DDC: variants seen among roughly 807,000 people sequenced by gnomAD.
DDC encodes dopa decarboxylase, also known as aromatic-L-amino-acid decarboxylase.
A neutral mutation model predicts 60.0 loss-of-function variants in DDC; 43 were observed. The observed-to-expected ratio is 0.72, with a 90% CI of 0.56 to 0.92. The LOEUF (loss-of-function observed/expected upper bound fraction) is 0.92, where lower values mean the gene tolerates loss of function less well. Ranked by LOEUF, DDC falls within the 40% of genes least tolerant of loss-of-function variation. DDC has a pLI of 0.00. For missense variants in DDC, 573 were observed against 620.2 expected, an observed-to-expected ratio of 0.92 and a Z score of 0.81; for synonymous variants, 232 against 234.6, an observed-to-expected ratio of 0.99 and a Z score of 0.10.
chr7:50,502,298 A>G (rs1157987186), intron 7 of DDC, among the ~76,000 whole-genome samples: 5 of 152,272 alleles, frequency 3.3e-5, no homozygotes, highest in Middle Eastern at 3.4e-3. Context: ...GGATCCATCC[A>G]GGGGACTGTG....
chr7:50,465,620 C>T (rs779876058), intron 13 of DDC, among the ~76,000 whole-genome samples: 4 of 152,236 alleles, frequency 2.6e-5, no homozygotes, highest in Non-Finnish European at 5.9e-5. Flanking sequence ...GATCTGGCCT[C>T]CTCGGCCTCC....
intron 9 of DDC, among the ~76,000 whole-genome samples, chr7:50,493,440 T>C (rs1174685750): frequency 6.6e-6 from 1 of 152,196 alleles, no homozygotes; most frequent in Non-Finnish European, 1.5e-5. Context: ...CCAGAGCCTG[T>C]GGATGCTCTG....
intron 10 of DDC, among the ~76,000 whole-genome samples, chr7:50,477,098 G>A (rs2042663396): frequency 6.6e-6 from 1 of 152,160 alleles, no homozygotes; most frequent in Non-Finnish European, 1.5e-5. Flanking sequence ...GTGGATCTTA[G>A]CAGATCTTAG....
intron 7 of DDC, among the ~76,000 whole-genome samples, chr7:50,501,269 G>C (rs1235438715): frequency 6.6e-6 from 1 of 152,186 alleles, no homozygotes; most frequent in African/African-American, 2.4e-5. Context: ...ATGCAGCTTT[G>C]GCTGCCTGCC....
intron 11 of DDC, among the ~76,000 whole-genome samples, chr7:50,476,267 G>A (rs994386551): frequency 5.9e-5 from 9 of 152,170 alleles, no homozygotes; most frequent in African/African-American, 1.9e-4. Flanking sequence ...TCTGTTCCCT[G>A]ACTCCTCCCT....
At chr7:50,534,179 C>G (rs2044312318) in intron 4 of DDC, among the ~76,000 whole-genome samples, 1 of 152,224 alleles carries the variant, frequency 6.6e-6, no homozygotes, top group African/African-American at 2.4e-5. Flanking sequence ...CCTACACTCC[C>G]TTGTACCTAC....
intron 6 of DDC, among the ~76,000 whole-genome samples, chr7:50,504,354 C>T (rs531707330): frequency 3.3e-5 from 5 of 152,212 alleles, no homozygotes; most frequent in Middle Eastern, 3.4e-3. Context: ...AGCAATCTAC[C>T]ACCTGGACAA....
intron 6 of DDC, among the ~76,000 whole-genome samples, chr7:50,505,011 A>T (rs4947584): frequency 0.35 from 53,163 of 152,116 alleles, 9,551 homozygotes; most frequent in Admixed American, 0.43. Flanking sequence ...TTTAAAAGGG[A>T]TGTTCTGAGA....
chr7:50,554,509 T>A (rs1429360399), intron 1 of DDC, among the ~76,000 whole-genome samples: 1 of 152,226 alleles, frequency 6.6e-6, no homozygotes, highest in Non-Finnish European at 1.5e-5. Context: ...GGACACATTA[T>A]CTTCACTTGT....
chr7:50,527,039 T>C (rs1554429944), intron 6 of DDC, among the ~76,000 whole-genome samples: 16 of 152,164 alleles, frequency 1.1e-4, no homozygotes. Flanking sequence ...CATACCTCTC[T>C]TGGCAACTAA....
In DDC at chr7:50,544,063, C is replaced by T. The variant is rs1409597241; in HGVS notation, c.23G>A (p.Arg8Lys). Residue 8 changes from arginine (R) to lysine (K), a missense_variant, in exon 2 of 15, where the codon AGG (arginine) becomes AAG (lysine). Physicochemically the swap from Arg to Lys is conservative, Grantham distance 26. Coordinates refer to ENST00000444124, the MANE Select transcript of DDC (RefSeq NM_001082971.2). Reference sequence around the variant, plus strand: ...GTAATCCACCATCTCCTTCCCTCTCCTTCGGAATTCACTTGCGTTCATGGT... The same window carrying T: ...GTAATCCACCATCTCCTTCCCTCTCTTTCGGAATTCACTTGCGTTCATGGT... Reference protein sequence around the residue: MNASEFRRRGKEMVDYMA... With the variant: MNASEFRKRGKEMVDYMA... 2.5e-6 allele frequency: 4 copies of T among 1,614,036 alleles called. No individual in the cohort carries two copies. The highest frequency in any genetic ancestry group is 2.7e-5 in the African/African-American group (2 of 74,920).
At chr7:50,553,484 C>CTTTTTTTTTTTTTTTTT (rs5884158) in intron 1 of DDC, among the ~76,000 whole-genome samples, 5 of 90,936 alleles carry the variant, frequency 5.5e-5, no homozygotes, top group South Asian at 4.1e-4. Context: ...TCTTTCTTTT[C>CTTTTTTTTTTTTTTTTT]TTTTTTTTTT....
At chr7:50,512,041 C>T (rs986633402) in intron 6 of DDC, among the ~76,000 whole-genome samples, 3 of 151,300 alleles carry the variant, frequency 2.0e-5, no homozygotes, top group African/African-American at 7.3e-5. Context: ...TCCACAAAAG[C>T]CTATTGAAAT....
chr7:50,555,542 C>T (rs2045154316), intron 1 of DDC, among the ~76,000 whole-genome samples: 1 of 152,188 alleles, frequency 6.6e-6, no homozygotes, highest in African/African-American at 2.4e-5. Flanking sequence ...ACCACACACA[C>T]ACATACGCAC....
chr7:50,530,504 T>C, intron 4 of DDC, among the ~76,000 whole-genome samples: 1 of 152,190 alleles, frequency 6.6e-6, no homozygotes, highest in African/African-American at 2.4e-5. Context: ...AACTAATGGA[T>C]TCAGGGCCTG....
intron 11 of DDC, among the ~76,000 whole-genome samples, chr7:50,471,483 AG>A (rs2042531121): frequency 6.6e-6 from 1 of 152,344 alleles, no homozygotes; most frequent in Admixed American, 6.5e-5. Context: ...ATGGTTCTGC[AG>A]GAGCTTCTCA....
chr7:50,497,601 T>A (rs533398194), intron 8 of DDC, among the ~76,000 whole-genome samples: 2 of 152,302 alleles, frequency 1.3e-5, no homozygotes, highest in East Asian at 3.9e-4. Context: ...AGATTTACTC[T>A]TCGTTTCCCA....
intron 6 of DDC, among the ~76,000 whole-genome samples, chr7:50,526,299 C>CA: frequency 6.6e-6 from 1 of 152,026 alleles, no homozygotes; most frequent in Non-Finnish European, 1.5e-5. Flanking sequence ...TACAAAGTAC[C>CA]AAAAATAAAA....
rs147937771 is a variant in DDC, at chr7:50,470,077, C to A, written c.1136G>T (p.Arg379Leu). The A allele has an allele frequency of 3.8e-6, 6 of 1,598,612 alleles. No homozygotes were observed. Among genetic ancestry groups the A allele is most frequent in the South Asian group, 1.1e-5 (1 of 90,818 alleles). Residue 379 changes from arginine to leucine, a missense_variant, in exon 12 of 15, where the codon CGC becomes CTC. Coordinates refer to ENST00000444124, the MANE Select transcript of DDC (RefSeq NM_001082971.2). ...AAATAATAAAAACAAAGTCACCTTG[C>A]GGATATAAGCCTGCAGTCCTTTGAC... ...YGVKGLQAYIRKHVQLSHEFE... is the reference protein window; with the variant it reads ...YGVKGLQAYILKHVQLSHEFE...
Sources: allele counts gnomAD v4.1 joint callset (sites outside exome capture counted in the v4.1 genomes callset), GRCh38; gene constraint gnomAD v4.1.1; transcripts MANE v1.5; gene names NCBI Gene and HGNC (gene_info 2026-07-23, HGNC 2026-07-21).